The following GLYATL1 variants were observed in gnomAD, a reference collection of about 807,000 sequenced individuals.
GLYATL1 encodes glycine-N-acyltransferase like 1.
In GLYATL1, 15 loss-of-function variants were observed where a neutral mutation model predicts 20.0. That is an observed-to-expected ratio of 0.75 (90% CI 0.50 to 1.15). GLYATL1 has a LOEUF of 1.15. Among genes scored for constraint, GLYATL1 ranks in the 50% most tolerant of loss-of-function variants. The probability of loss-of-function intolerance (pLI) is 0.00; values close to 1 mark genes in which losing one functional copy is unlikely to be tolerated. For missense variants in GLYATL1, 380 were observed against 368.5 expected, an observed-to-expected ratio of 1.03 and a Z score of -0.26; for synonymous variants, 151 against 131.5, an observed-to-expected ratio of 1.15 and a Z score of -1.01.
intron 3 of GLYATL1, 83 bp downstream of exon 3, chr11:58,947,248 C>G (rs1856635877): frequency 6.6e-7 from 1 of 1,516,752 alleles, no homozygotes; most frequent in Non-Finnish European, 8.8e-7. Context: ...CTAGTCCTTC[C>G]TGACTGTTTG....
At chr11:58,934,139 G>A (rs1161370824) in intron 1 of GLYATL1, 1 of 153,108 alleles carries the variant, frequency 6.5e-6, no homozygotes, top group Non-Finnish European at 1.5e-5. Flanking sequence ...CCTGGCATCT[G>A]AGTCCATGGG....
chr11:58,912,210 G>C (rs1463107439), downstream of GLYATL1, among the ~76,000 whole-genome samples: 1 of 152,176 alleles, frequency 6.6e-6, no homozygotes, highest in African/African-American at 2.4e-5. Flanking sequence ...AGGGATTGGG[G>C]TTTGAAGGGG....
chr11:58,917,999 C>T (rs1048692300), intron 1 of GLYATL1, among the ~76,000 whole-genome samples: 1 of 152,066 alleles, frequency 6.6e-6, no homozygotes, highest in Non-Finnish European at 1.5e-5. Context: ...TCATTTCCCC[C>T]CTTTGATGCT....
At chr11:58,939,721 C>T (rs915731687) in intron 1 of GLYATL1, 71 bp downstream of exon 1, 1 of 152,170 alleles carries the variant, frequency 6.6e-6, no homozygotes, top group African/African-American at 2.4e-5. Context: ...AAAGGAATTT[C>T]CACTTGCGGG....
chr11:58,950,149 G>T (rs562234547), intron 4 of GLYATL1, among the ~76,000 whole-genome samples: 1 of 143,302 alleles, frequency 7.0e-6, no homozygotes, highest in Non-Finnish European at 1.5e-5. Flanking sequence ...AAATTAGCCG[G>T]GCGTGGTGGC....
chr11:58,954,691 A>G, intron 4 of GLYATL1, 79 bp from the exon 5 acceptor site: 2 of 1,396,954 alleles, frequency 1.4e-6, no homozygotes, highest in South Asian at 1.5e-5. Flanking sequence ...TTGAACTTTC[A>G]TTTTTCTGAT....
chr11:58,950,813 G>A (rs2135250078), intron 4 of GLYATL1, among the ~76,000 whole-genome samples: 1 of 152,120 alleles, frequency 6.6e-6, no homozygotes, highest in East Asian at 1.9e-4. Context: ...CCTGACTAGC[G>A]ATATTGAACA....
chr11:58,954,644 A>G, intron 4 of GLYATL1, 126 bp from the exon 5 acceptor site: 1 of 772,716 alleles, frequency 1.3e-6, no homozygotes, highest in South Asian at 1.9e-5. Flanking sequence ...CGATGTGCCC[A>G]ACTGCAGCCA....
intron 1 of GLYATL1, chr11:58,917,195 A>G (rs903602203): frequency 1.1e-4 from 16 of 152,288 alleles, no homozygotes; most frequent in African/African-American, 3.6e-4. Flanking sequence ...TGTCTTCTAC[A>G]TCACTCCTTC....
rs753941914 is a variant in GLYATL1, at chr11:58,955,725, G to A, written c.607G>A (p.Glu203Lys). Reference protein sequence around the residue: ...RSLHYIKRCIEDLPAACMLGP... With the variant: ...RSLHYIKRCIKDLPAACMLGP... ...CCTGCATTACATCAAGCGCTGCATA[G>A]AAGACCTGCCAGCAGCCTGTATGCT... is the stretch of plus-strand genomic sequence containing the variant. Residue 203 changes from glutamate to lysine, a missense_variant, in exon 7 of 7, where the codon GAA becomes AAA. Transcript: ENST00000532726. 5 of 1,614,094 alleles carry A rather than the reference G, an allele frequency of 3.1e-6. No individual in the cohort carries two copies. In the African/African-American group the frequency reaches 6.7e-5, roughly 22 times the overall value.
chr11:58,948,457 A>G (rs1396624393), intron 4 of GLYATL1, among the ~76,000 whole-genome samples: 2 of 152,126 alleles, frequency 1.3e-5, no homozygotes, highest in Non-Finnish European at 2.9e-5. Context: ...TGTACAACAT[A>G]GTGAGACCTC....
rs61392164 is a variant in GLYATL1, at chr11:58,916,159, G to A, written n.264+10498G>A. On this transcript the variant is annotated intron_variant and non_coding_transcript_variant, in intron 1 of 2. Transcript: ENST00000534674. ...TCCTCTTCCAGTCTTTTTTGGAATG[G>A]GGACTTTTCTGTACTGCCTCCTGTA... is the stretch of plus-strand genomic sequence containing the variant. Among the ~76,000 whole-genome samples the A allele has an allele frequency of 6.7e-3, 1,016 of 152,192 alleles. 10 individuals are homozygous for A. Among genetic ancestry groups the A allele is most frequent in the African/African-American group, 0.023 (975 of 41,530 alleles).
downstream of GLYATL1, among the ~76,000 whole-genome samples, chr11:58,910,742 T>C (rs1412717540): frequency 6.6e-6 from 1 of 152,098 alleles, no homozygotes; most frequent in Non-Finnish European, 1.5e-5. Context: ...AGCACAAAAA[T>C]CCCCATGCCC....
At chr11:58,951,096 T>G (rs1350362601) in intron 4 of GLYATL1, among the ~76,000 whole-genome samples, 2 of 152,094 alleles carry the variant, frequency 1.3e-5, no homozygotes, top group Non-Finnish European at 2.9e-5. Context: ...AGGTTTTGGG[T>G]TTTTTTAGTT....
At position 58,948,836 on chromosome 11, in the gene GLYATL1, G is replaced by A. The variant is rs184405893; in HGVS notation, c.186+871G>A. On this transcript the variant is annotated intron_variant, in intron 4 of 6. Coordinates refer to ENST00000532726, the MANE Select transcript of GLYATL1 (RefSeq NM_001389712.2). ...ATTGAGAAATATTAAGTCATGTAGC[G>A]GCTGGATTCCTGATGTTAAAGCATT... 6.9e-4 allele frequency among the ~76,000 whole-genome samples: 105 copies of A among 152,236 alleles called. 2 individuals are homozygous for A. The highest frequency in any genetic ancestry group is 2.2e-3 in the African/African-American group (90 of 41,540).
intron 1 of GLYATL1, among the ~76,000 whole-genome samples, chr11:58,932,892 C>T (rs973970686): frequency 6.6e-6 from 1 of 152,114 alleles, no homozygotes. Flanking sequence ...CACTGTATGC[C>T]TCTAATGATT....
intron 1 of GLYATL1, among the ~76,000 whole-genome samples, chr11:58,906,205 G>A (rs1348700658): frequency 1.3e-5 from 2 of 152,272 alleles, no homozygotes; most frequent in African/African-American, 4.8e-5. Flanking sequence ...AACCAAGGAG[G>A]TTTTGGATGG....
At chr11:58,914,362 T>C (rs555966220) in intron 1 of GLYATL1, among the ~76,000 whole-genome samples, 41 of 152,322 alleles carry the variant, frequency 2.7e-4, no homozygotes, top group East Asian at 9.6e-4. Context: ...CAGACAAGGC[T>C]TTATTAGGGG....
chr11:58,905,686 G>C (rs1248443861), intron 1 of GLYATL1: 1 of 452,748 alleles, frequency 2.2e-6, no homozygotes, highest in Non-Finnish European at 4.4e-6. Flanking sequence ...GCTGTGGACC[G>C]AGTGGTTCGG....
Sources: allele counts gnomAD v4.1 joint callset (sites outside exome capture counted in the v4.1 genomes callset), GRCh38; gene constraint gnomAD v4.1.1; transcripts MANE v1.5; gene names NCBI Gene and HGNC (gene_info 2026-07-23, HGNC 2026-07-21).